Variants in NLRP7 observed in about 807,000 individuals in gnomAD.
NLRP7 encodes NLR family pyrin domain containing 7.
In NLRP7, 72 loss-of-function variants were observed where a neutral mutation model predicts 85.5. The observed-to-expected ratio is 0.84, with a 90% CI of 0.70 to 1.02. The LOEUF is 1.02. Among genes scored for constraint, NLRP7 ranks in the 50% least tolerant of loss-of-function variants. The pLI is 0.00. For missense variants in NLRP7, 1,243 were observed against 1,219.5 expected (o/e 1.02, Z -0.29); for synonymous variants, 550 against 505.2 (o/e 1.09, Z -1.19).
chr19:54,957,346 C>CTTT (rs369473061), intron 1 of NLRP7, among the ~76,000 whole-genome samples: 9 of 128,054 alleles, frequency 7.0e-5, no homozygotes, highest in African/African-American at 2.1e-4. Flanking sequence ...TCTTCTTCTT[C>CTTT]TTTTTTTTTT....
chr19:54,937,531 A>G (rs1013133535), intron 5 of NLRP7, among the ~76,000 whole-genome samples: 1 of 151,824 alleles, frequency 6.6e-6, no homozygotes, highest in African/African-American at 2.4e-5. Flanking sequence ...CACCTCTACT[A>G]AAAACACAAG....
At position 54,934,357 on chromosome 19, in the gene NLRP7, G is replaced by T; in HGVS notation, c.2471+132C>A. ...GCTGAGATTACAGGCAGGAGCCACC[G>T]TGCCGGGCCTGAAGCAGGTGTTTAT... On this transcript the variant is annotated intron_variant, in intron 7 of 9. Coordinates refer to ENST00000340844, the Ensembl canonical transcript of NLRP7. The surrounding 1 kb of genome is among the most constrained non-coding windows in gnomAD (Gnocchi z 6.7). 1.1e-6 allele frequency: 1 copy of T among 909,924 alleles called. No homozygotes were observed. The highest frequency in any genetic ancestry group is 1.8e-6 in the Non-Finnish European group (1 of 541,336). The allele number at this position is 909,924 out of a possible 1,614,324, so 56.4% of individuals were successfully genotyped here.
At chr19:54,935,557 G>A (rs748943929) in intron 6 of NLRP7, among the ~76,000 whole-genome samples, 11 of 149,830 alleles carry the variant, frequency 7.3e-5, no homozygotes, top group East Asian at 3.9e-4. Context: ...TTTGCCAGGC[G>A]TGGTGGTGCA....
At chr19:54,938,381 T>A in intron 4 of NLRP7, 140 bp from the exon 5 acceptor site, 1 of 715,676 alleles carries the variant, frequency 1.4e-6, no homozygotes. Flanking sequence ...CAATATTGCA[T>A]CACATGCTTT....
At chr19:54,933,725 C>T (rs140797839) in exon 8 of NLRP7, 160 of 1,614,002 alleles carry the variant, frequency 9.9e-5, no homozygotes, top group Non-Finnish European at 1.2e-4. Context: ...TTCTGTAAGA[C>T]GACAGTTTTC....
At chr19:54,936,412 C>G (rs1210832955) in exon 6 of NLRP7, 1 of 1,614,108 alleles carries the variant, frequency 6.2e-7, no homozygotes, top group Admixed American at 1.7e-5. Context: ...TACGCGGTGT[C>G]AGGGGTGACG....
intron 1 of NLRP7, among the ~76,000 whole-genome samples, chr19:54,953,725 G>C (rs749812150): frequency 1.3e-5 from 2 of 151,932 alleles, no homozygotes; most frequent in Non-Finnish European, 2.9e-5. Flanking sequence ...CAGCCAGGCC[G>C]GGCGCGGTGG....
chr19:54,961,513 A>G (rs2924827), intron 1 of NLRP7, among the ~76,000 whole-genome samples: 21,853 of 151,002 alleles, frequency 0.14, 2,158 homozygotes, highest in Non-Finnish European at 0.21. Context: ...TAAATAAATA[A>G]ATAAATAAAA....
At chr19:54,947,616 G>C (rs1430574015), upstream of NLRP7, 1 of 1,289,602 alleles carries the variant, frequency 7.8e-7, no homozygotes, top group African/African-American at 1.5e-5. Context: ...ACATTGGGTG[G>C]CTCCCAACCA....
exon 4 of NLRP7, chr19:54,939,752 A>G: frequency 6.2e-7 from 1 of 1,613,612 alleles, no homozygotes; most frequent in Non-Finnish European, 8.5e-7. Flanking sequence ...CAGCTGGAAC[A>G]GGGCCGCGTT....
chr19:54,949,243 G>A (rs1357037711), upstream of NLRP7, among the ~76,000 whole-genome samples: 9 of 150,416 alleles, frequency 6.0e-5, no homozygotes, highest in Non-Finnish European at 8.9e-5. Context: ...GCACCACTGC[G>A]CTCCAGCCTG....
In NLRP7 at chr19:54,954,452, C is replaced by A. The variant is rs1320568811; in HGVS notation, c.-76-6947G>T. Among the ~76,000 whole-genome samples, 3 of 137,514 alleles carry A rather than the reference C, an allele frequency of 2.2e-5. 1 individual carries two copies. The highest frequency in any genetic ancestry group is 9.2e-5 in the African/African-American group (3 of 32,550). 90.2% of individuals were successfully genotyped at this position (137,514 alleles called of 152,430 possible). A position where few individuals can be genotyped will look rare whatever the true frequency, so the allele number is the denominator to read the frequency against. On this transcript the variant is annotated intron_variant, in intron 1 of 2. Transcript: ENST00000587103. Reference sequence around the variant, plus strand: ...GGCTGAGGCAGGAGAATGGCCTGAACCCAGGAGGCGGAGCTTGCAGTGAGC... The same window carrying A: ...GGCTGAGGCAGGAGAATGGCCTGAAACCAGGAGGCGGAGCTTGCAGTGAGC...
chr19:54,931,518 G>A (rs536492039), intron 8 of NLRP7, among the ~76,000 whole-genome samples: 1 of 152,134 alleles, frequency 6.6e-6, no homozygotes, highest in South Asian at 2.1e-4. Context: ...GGAGAAACCC[G>A]TCTCTACTAA....
At chr19:54,929,548 C>G (rs1475720839) in intron 9 of NLRP7, among the ~76,000 whole-genome samples, 1 of 152,094 alleles carries the variant, frequency 6.6e-6, no homozygotes, top group Non-Finnish European at 1.5e-5. Flanking sequence ...GCTCGCCATT[C>G]CATTTGTGGA....
intron 6 of NLRP7, among the ~76,000 whole-genome samples, chr19:54,935,611 T>C (rs2068882787): frequency 6.6e-6 from 1 of 150,690 alleles, no homozygotes; most frequent in South Asian, 2.1e-4. Flanking sequence ...CAGAACTGCT[T>C]GAACCCAGGA....
chr19:54,931,977 G>A (rs1001257323), intron 8 of NLRP7, among the ~76,000 whole-genome samples: 6 of 152,058 alleles, frequency 3.9e-5, no homozygotes, highest in Non-Finnish European at 7.4e-5. Context: ...TATTTTCTGC[G>A]TGGTTAGATT....
chr19:54,929,578 G>A (rs1231284474), intron 9 of NLRP7, among the ~76,000 whole-genome samples: 1 of 152,068 alleles, frequency 6.6e-6, no homozygotes, highest in African/African-American at 2.4e-5. Context: ...TTTTCTGGGG[G>A]TGGTATCCCA....
chr19:54,943,603 T>G (rs2069337201), intron 1 of NLRP7, among the ~76,000 whole-genome samples: 4 of 139,112 alleles, frequency 2.9e-5, no homozygotes, highest in East Asian at 2.5e-4. Flanking sequence ...TCCGTCTGGG[T>G]TGGGGGGGCG....
chr19:54,943,420 T>C (rs1028702864), intron 1 of NLRP7, among the ~76,000 whole-genome samples: 1 of 151,844 alleles, frequency 6.6e-6, no homozygotes, highest in African/African-American at 2.4e-5. Context: ...GCTAACACGG[T>C]GAAACCCCGT....
Sources: allele counts gnomAD v4.1 joint callset (sites outside exome capture counted in the v4.1 genomes callset), GRCh38; gene constraint gnomAD v4.1.1; non-coding constraint Gnocchi (gnomAD v3.1); transcripts MANE v1.5; gene names NCBI Gene and HGNC (gene_info 2026-07-23, HGNC 2026-07-21).